Variants in RAB8B observed in about 807,000 individuals in gnomAD.
RAB8B encodes RAB8B, member RAS oncogene family, also known as ras-related protein Rab-8B.
In RAB8B, 11 loss-of-function variants were observed where a neutral mutation model predicts 32.0. That is an observed-to-expected ratio of 0.34 (90% confidence interval 0.22 to 0.57). RAB8B has a LOEUF of 0.57. Among genes scored for constraint, RAB8B ranks in the 20% least tolerant of loss-of-function variants. The pLI, the probability that RAB8B is intolerant of heterozygous loss-of-function variation, is 0.86. For missense variants in RAB8B, 190 were observed against 258.5 expected (o/e 0.73, Z 1.82); for synonymous variants, 103 against 89.6 (o/e 1.15, Z -0.85).
rs1349769034 is a variant in RAB8B, at chr15:63,259,185, T to C, written c.415-442T>C. On this transcript the variant is annotated intron_variant, in intron 5 of 7. Coordinates refer to ENST00000321437, the MANE Select transcript of RAB8B (RefSeq NM_016530.3). The surrounding 1 kb of genome is among the most constrained non-coding windows in gnomAD (Gnocchi z 4.4). ...CCTGGACTGGAGTGCAGTGGTGCGA[T>C]CTCGGCTTACTCCAACCTCTGCCTC... 6.6e-6 allele frequency among the ~76,000 whole-genome samples: 1 copy of C among 152,190 alleles called. No individual in the cohort carries two copies. Among genetic ancestry groups the C allele is most frequent in the African/African-American group, 2.4e-5 (1 of 41,440 alleles).
intron 1 of RAB8B, among the ~76,000 whole-genome samples, chr15:63,210,401 T>C (rs943169888): frequency 6.6e-6 from 1 of 152,252 alleles, no homozygotes; most frequent in Admixed American, 6.5e-5. Context: ...AATGAATTTC[T>C]TTTTTCTTCC....
intron 1 of RAB8B, among the ~76,000 whole-genome samples, chr15:63,228,031 T>C (rs1055995929): frequency 1.3e-5 from 2 of 151,984 alleles, no homozygotes; most frequent in Non-Finnish European, 2.9e-5. Flanking sequence ...TTTCACAGGG[T>C]CTCACTTTGT....
In RAB8B at chr15:63,259,086, A is replaced by G. The variant is rs535025418; in HGVS notation, c.415-541A>G. Among the ~76,000 whole-genome samples, 336 of 152,216 alleles carry G rather than the reference A, an allele frequency of 2.2e-3. 2 individuals are homozygous for G. The highest frequency in any genetic ancestry group is 7.8e-3 in the African/African-American group (326 of 41,546). On this transcript the variant is annotated intron_variant, in intron 5 of 7. Transcript: ENST00000321437. This position sits in a 1 kb window ranked among gnomAD's most constrained non-coding sequence, Gnocchi z 4.4. ...GAGAACTAAAAGTACAAAAACAGAA[A>G]AAAAGAGAAGTACTTAAATTATTAT...
chr15:63,197,375 T>TC (rs1186343394), intron 1 of RAB8B, among the ~76,000 whole-genome samples: 4 of 137,406 alleles, frequency 2.9e-5, no homozygotes, highest in South Asian at 2.5e-4. Context: ...CTTTTCTTTT[T>TC]TTTTTTTTTT....
At chr15:63,217,760 A>G (rs1020461230) in intron 1 of RAB8B, among the ~76,000 whole-genome samples, 3 of 152,216 alleles carry the variant, frequency 2.0e-5, no homozygotes, top group Non-Finnish European at 4.4e-5. Flanking sequence ...CGTGATAAAG[A>G]CAGTTTTTCG....
Position 63,264,049 on chromosome 15 carries a change from A to C in RAB8B, c.*430A>C. The C allele has an allele frequency of 6.4e-6, 1 of 155,902 alleles. No homozygotes were observed. Among genetic ancestry groups the C allele is most frequent in the East Asian group, 1.9e-4 (1 of 5,234 alleles). 9.7% of individuals were successfully genotyped at this position (155,902 alleles called of 1,614,324 possible). A position where few individuals can be genotyped will look rare whatever the true frequency, so the allele number is the denominator to read the frequency against. Reference sequence around the variant, plus strand: ...TTTACAGCAGAGGTTAATATACTAAAATTAAAGGGTATTTGGTCTGGTTCA... The same window carrying C: ...TTTACAGCAGAGGTTAATATACTAACATTAAAGGGTATTTGGTCTGGTTCA... On this transcript the variant is annotated 3_prime_UTR_variant, in exon 8 of 8. Coordinates refer to ENST00000321437, the MANE Select transcript of RAB8B (RefSeq NM_016530.3).
chr15:63,207,852 C>A (rs946840729), intron 1 of RAB8B, among the ~76,000 whole-genome samples: 1 of 152,228 alleles, frequency 6.6e-6, no homozygotes, highest in African/African-American at 2.4e-5. Context: ...GCGTGAGCCA[C>A]CGCGCCTGGC....
chr15:63,189,767 C>T lies in RAB8B; in HGVS notation c.124+19C>T, dbSNP rs774598323. The T allele has an allele frequency of 1.9e-6, 3 of 1,599,096 alleles. No individual in the cohort carries two copies. The highest frequency in any genetic ancestry group is 2.3e-5 in the East Asian group (1 of 43,424). On this transcript the variant is annotated intron_variant, in intron 1 of 7. Transcript: ENST00000321437. ...ACCATCGGTGAGGGAGGGGCCGCGG[C>T]CCGGGACCGGGTAGAGAATTGGGGG...
At chr15:63,207,396 C>T (rs1021618309) in intron 1 of RAB8B, among the ~76,000 whole-genome samples, 5 of 152,304 alleles carry the variant, frequency 3.3e-5, no homozygotes, top group African/African-American at 1.2e-4. Context: ...CGGCCTCTCT[C>T]AGACTCCTCT....
At chr15:63,229,677 A>G (rs1226971080) in intron 1 of RAB8B, among the ~76,000 whole-genome samples, 1 of 146,924 alleles carries the variant, frequency 6.8e-6, no homozygotes, top group Non-Finnish European at 1.5e-5. Flanking sequence ...GCTACTCAGG[A>G]GGCTGAGGCA....
chr15:63,195,756 G>A (rs529987433), intron 1 of RAB8B, among the ~76,000 whole-genome samples: 1 of 152,188 alleles, frequency 6.6e-6, no homozygotes, highest in African/African-American at 2.4e-5. Flanking sequence ...AGAATATTTT[G>A]CAGGAATAGA....
At chr15:63,212,209 C>A (rs1393117430) in intron 1 of RAB8B, among the ~76,000 whole-genome samples, 1 of 152,140 alleles carries the variant, frequency 6.6e-6, no homozygotes, top group East Asian at 1.9e-4. Context: ...TGATGTATAA[C>A]AAGCAGAGCA....
chr15:63,207,343 C>G (rs777450560), intron 1 of RAB8B, among the ~76,000 whole-genome samples: 1 of 152,156 alleles, frequency 6.6e-6, no homozygotes, highest in Non-Finnish European at 1.5e-5. Context: ...AAGCTTGCCC[C>G]CTTCCATGTG....
intron 1 of RAB8B, among the ~76,000 whole-genome samples, chr15:63,217,736 A>C (rs1479533531): frequency 6.6e-6 from 1 of 152,232 alleles, no homozygotes; most frequent in Non-Finnish European, 1.5e-5. Context: ...AAATCTAAAC[A>C]ATTTAAAGTA....
chr15:63,235,452 T>C (rs1051900896), intron 1 of RAB8B, among the ~76,000 whole-genome samples: 1 of 152,132 alleles, frequency 6.6e-6, no homozygotes, highest in African/African-American at 2.4e-5. Flanking sequence ...TTTCAAAAAC[T>C]TTTAGACCTA....
chr15:63,235,817 T>C (rs1187651390), intron 1 of RAB8B, among the ~76,000 whole-genome samples: 1 of 152,174 alleles, frequency 6.6e-6, no homozygotes, highest in African/African-American at 2.4e-5. Flanking sequence ...GATTCATCTA[T>C]GTTGATAAAT....
intron 2 of RAB8B, 92 bp from the exon 3 acceptor site, chr15:63,249,553 G>A: frequency 8.3e-7 from 1 of 1,208,004 alleles, no homozygotes; most frequent in South Asian, 1.3e-5. Context: ...TGCACCCTGA[G>A]CAGACTAGAA....
intron 2 of RAB8B, among the ~76,000 whole-genome samples, chr15:63,245,645 G>A (rs750427756): frequency 3.3e-5 from 5 of 152,116 alleles, no homozygotes; most frequent in Non-Finnish European, 7.3e-5. Flanking sequence ...GCTGGGTCCC[G>A]CAGTGTCCCC....
intron 1 of RAB8B, among the ~76,000 whole-genome samples, chr15:63,203,425 T>G (rs1406111720): frequency 6.6e-6 from 1 of 152,234 alleles, no homozygotes; most frequent in Non-Finnish European, 1.5e-5. Flanking sequence ...AGGACTTTTA[T>G]TTTTTGAGAA....
Sources: gnomAD v4.1 joint callset for allele counts (sites outside exome capture counted in the v4.1 genomes callset) on GRCh38, gnomAD v4.1.1 for gene constraint, Gnocchi (gnomAD v3.1) non-coding constraint, MANE v1.5 for transcripts, NCBI Gene and HGNC (gene_info 2026-07-23, HGNC 2026-07-21) for gene names.